PCDHGA2: variants seen among roughly 807,000 people sequenced by gnomAD.
PCDHGA2 encodes protocadherin gamma-A2.
In PCDHGA2, 40 loss-of-function variants were observed where a neutral mutation model predicts 59.2. The observed-to-expected ratio is 0.68, with a 90% confidence interval of 0.52 to 0.88. PCDHGA2 has a LOEUF of 0.88. Ranked by LOEUF, PCDHGA2 falls within the 40% of genes least tolerant of loss-of-function variation. The pLI, the probability that PCDHGA2 is intolerant of heterozygous loss-of-function variation, is 0.00. For synonymous variants in PCDHGA2, 560 were observed against 526.0 expected (o/e 1.06, Z -0.89); for missense variants, 1,226 against 1,204.0 (o/e 1.02, Z -0.27).
rs538468873 is a variant in PCDHGA2 at position 141,364,832 on chromosome 5, C to T, written c.2424+23437C>T. The T allele has an allele frequency of 3.7e-6, 6 of 1,613,894 alleles. No individual in the cohort carries two copies. The highest frequency in any genetic ancestry group is 1.7e-5 in the Admixed American group (1 of 60,010). On this transcript the variant is annotated intron_variant, in intron 1 of 3. Coordinates refer to ENST00000394576, the MANE Select transcript of PCDHGA2 (RefSeq NM_018915.4). ...TGCGGATGTGGGTGTGAACTCTCTCCGGAGTTACCAGCTCAGCTCCAATCT... is the reference window on the plus strand; with the variant it reads ...TGCGGATGTGGGTGTGAACTCTCTCTGGAGTTACCAGCTCAGCTCCAATCT...
intron 1 of PCDHGA2, chr5:141,384,825 C>G (rs570988671): frequency 6.2e-7 from 1 of 1,613,356 alleles, no homozygotes; most frequent in Non-Finnish European, 8.5e-7. Context: ...AGCAGAGCCT[C>G]GTGGTGGCCG....
rs544131137 is a variant in PCDHGA2, at chr5:141,339,482, G to C, written c.511G>C (p.Ala171Pro). 1.2e-6 allele frequency: 2 copies of C among 1,614,008 alleles called. No homozygotes were observed. Among genetic ancestry groups the C allele is most frequent in the Non-Finnish European group, 1.7e-6 (2 of 1,180,036 alleles). Reference sequence around the variant, plus strand: ...AGGTGAGAACGCCCTTCAGAAGTACGCACTCAACCCAAATGACCACTTCTC... The same window carrying C: ...AGGTGAGAACGCCCTTCAGAAGTACCCACTCAACCCAAATGACCACTTCTC... The part of the protein sequence containing the change: ...DVGENALQKY[A>P]LNPNDHFSLD... The change falls in exon 1 of 4, where the codon GCA (alanine) becomes CCA (proline). Residue 171 changes from alanine to proline, a missense_variant. By Grantham distance (27) the Ala-to-Pro change is conservative. Coordinates refer to ENST00000394576, the MANE Select transcript of PCDHGA2 (RefSeq NM_018915.4).
At chr5:141,460,150 T>G (rs1169568683) in intron 1 of PCDHGA2, among the ~76,000 whole-genome samples, 1 of 152,106 alleles carries the variant, frequency 6.6e-6, no homozygotes, top group East Asian at 1.9e-4. Context: ...ATGTGAGCTC[T>G]TTGTCACATA....
chr5:141,356,665 T>C (rs748524462), intron 1 of PCDHGA2: 3 of 1,613,898 alleles, frequency 1.9e-6, no homozygotes, highest in Admixed American at 3.3e-5. Flanking sequence ...CCGAATCACT[T>C]ACTCCCTGGC....
intron 1 of PCDHGA2, chr5:141,393,977 T>C (rs1014126865): frequency 1.9e-6 from 3 of 1,613,870 alleles, no homozygotes; most frequent in Non-Finnish European, 2.5e-6. Flanking sequence ...ACACACGTGA[T>C]AATTTACCTT....
chr5:141,478,137 G>A (rs762316494), intron 1 of PCDHGA2: 13 of 1,613,872 alleles, frequency 8.1e-6, no homozygotes, highest in African/African-American at 8.0e-5. Context: ...CCTGAAGCCC[G>A]AGCCGAGTTC....
intron 1 of PCDHGA2, chr5:141,422,092 G>T: frequency 6.2e-7 from 1 of 1,611,520 alleles, no homozygotes; most frequent in Non-Finnish European, 8.5e-7. Context: ...GGAAAGCAAG[G>T]CTTCTGAAAT....
intron 1 of PCDHGA2, chr5:141,383,386 G>C (rs1199066955): frequency 1.2e-6 from 2 of 1,614,000 alleles, no homozygotes; most frequent in Non-Finnish European, 1.7e-6. Context: ...TCCAGATGTG[G>C]GCACGAACTC....
At chr5:141,345,822 G>A in intron 1 of PCDHGA2, 7 of 1,613,726 alleles carry the variant, frequency 4.3e-6, no homozygotes, top group Non-Finnish European at 5.9e-6. Context: ...GGTGGACAGA[G>A]ACTCGGGCCA....
rs779191558 is a variant in PCDHGA2 at position 141,491,465 on chromosome 5, A to G, written c.2425-3342A>G. On this transcript the variant is annotated intron_variant, in intron 1 of 3. Coordinates refer to ENST00000394576, the MANE Select transcript of PCDHGA2 (RefSeq NM_018915.4). This position sits in a 1 kb window ranked among gnomAD's most constrained non-coding sequence, Gnocchi z 6.9. The stretch of plus-strand genomic sequence containing the variant: ...CAGGACTCACCCTCCCCGGACTTCT[A>G]TAAGCAGTCCAGCCCCAACCTGCAG... 1.2e-6 allele frequency: 2 copies of G among 1,613,974 alleles called. No homozygotes were observed. The highest frequency in any genetic ancestry group is 1.1e-5 in the South Asian group (1 of 91,084).
At position 141,485,331 on chromosome 5, in the gene PCDHGA2, T is replaced by G; in HGVS notation, c.2425-9476T>G. 6.2e-7 allele frequency: 1 copy of G among 1,614,166 alleles called. No individual in the cohort carries two copies. Among genetic ancestry groups the G allele is most frequent in the Admixed American group, 1.7e-5 (1 of 60,022 alleles). Reference sequence around the variant, plus strand: ...GTAGGGAATGTCGCTCAAGATTTCCTGCTGGATACGGACAGTCTGTCAGCT... The same window carrying G: ...GTAGGGAATGTCGCTCAAGATTTCCGGCTGGATACGGACAGTCTGTCAGCT... On this transcript the variant is annotated intron_variant, in intron 1 of 3. Coordinates refer to ENST00000394576, the MANE Select transcript of PCDHGA2 (RefSeq NM_018915.4). The surrounding 1 kb of genome is among the most constrained non-coding windows in gnomAD (Gnocchi z 5.7).
At chr5:141,508,815 C>T (rs1190983144) in intron 3 of PCDHGA2, among the ~76,000 whole-genome samples, 1 of 152,138 alleles carries the variant, frequency 6.6e-6, no homozygotes, top group East Asian at 1.9e-4. Context: ...TCTTTGAAGC[C>T]AGATCTGGGC....
At chr5:141,344,780 GA>G in intron 1 of PCDHGA2, 3 of 1,614,016 alleles carry the variant, frequency 1.9e-6, no homozygotes, top group Non-Finnish European at 2.5e-6. Context: ...AGTACCGTGT[GA>G]GTGTTTGGGA....
At position 141,476,128 on chromosome 5, in the gene PCDHGA2, G is replaced by A. The variant is rs1450094771; in HGVS notation, c.2425-18679G>A. 1 of 1,606,456 alleles carries A rather than the reference G, an allele frequency of 6.2e-7. No homozygotes were observed. Among genetic ancestry groups the A allele is most frequent in the African/African-American group, 1.3e-5 (1 of 74,874 alleles). On this transcript the variant is annotated intron_variant, in intron 1 of 3. Transcript: ENST00000394576. The surrounding 1 kb of genome is among the most constrained non-coding windows in gnomAD (Gnocchi z 7.6). ...TGCTTTTGAGTGAGATGGTCCCAGA[G>A]GCCTGGAGGAGCGGACTGGTAAGCA...
chr5:141,350,534 AT>A (rs1439134548), intron 1 of PCDHGA2: 2 of 1,613,894 alleles, frequency 1.2e-6, no homozygotes, highest in Admixed American at 1.7e-5. Context: ...TCGAGAGAAG[AT>A]TTGCGGAAGG....
chr5:141,350,389 A>G, intron 1 of PCDHGA2: 3 of 1,596,640 alleles, frequency 1.9e-6, no homozygotes, highest in Non-Finnish European at 2.6e-6. Context: ...CCAACGGCTC[A>G]CGGGTGGGGA....
chr5:141,433,164 A>G, intron 1 of PCDHGA2: 3 of 1,613,600 alleles, frequency 1.9e-6, no homozygotes, highest in Non-Finnish European at 2.5e-6. Context: ...TTTTCTAAAG[A>G]CAGTCATGGG....
At chr5:141,357,661 T>G (rs767998878) in intron 1 of PCDHGA2, 2 of 1,605,092 alleles carry the variant, frequency 1.2e-6, no homozygotes, top group South Asian at 2.2e-5. Context: ...CACTGAAATA[T>G]AGACAAAGAG....
chr5:141,340,910 C>T lies in PCDHGA2; in HGVS notation c.1939C>T (p.Gln647Ter). The T allele has an allele frequency of 6.2e-7, 1 of 1,613,800 alleles. No homozygotes were observed. Among genetic ancestry groups the T allele is most frequent in the Non-Finnish European group, 8.5e-7 (1 of 1,179,950 alleles). Residue 647 changes from glutamine to a stop codon, truncating the protein, a stop_gained, in exon 1 of 4, where the codon CAG (glutamine) becomes TAG (stop). Coordinates refer to ENST00000394576, the MANE Select transcript of PCDHGA2 (RefSeq NM_018915.4). LOFTEE classifies it high-confidence loss of function. ...ALKQSLVVAI[Q>*]DHGQPPLSAT... ...CAAGCAGAGCCTCGTGGTGGCCATCCAGGACCACGGCCAGCCCCCTCTCTC... is the reference window on the plus strand; with the variant it reads ...CAAGCAGAGCCTCGTGGTGGCCATCTAGGACCACGGCCAGCCCCCTCTCTC...
Sources: gnomAD v4.1 joint callset for allele counts (sites outside exome capture counted in the v4.1 genomes callset) on GRCh38, gnomAD v4.1.1 for gene constraint, Gnocchi (gnomAD v3.1) non-coding constraint, MANE v1.5 for transcripts, NCBI Gene and HGNC (gene_info 2026-07-23, HGNC 2026-07-21) for gene names.